LRRC36: variants seen among roughly 807,000 people sequenced by gnomAD.
The protein encoded by LRRC36 is leucine-rich repeat-containing protein 36.
Under a neutral mutation model 81.1 loss-of-function variants are expected in LRRC36, and 62 were observed. The observed-to-expected ratio is 0.76, with a 90% CI of 0.62 to 0.94. LRRC36 has a LOEUF of 0.94. LRRC36 is among the 40% of genes least tolerant of loss of function. The pLI, the probability that LRRC36 is intolerant of heterozygous loss-of-function variation, is 0.00. For missense variants in LRRC36, 761 were observed against 881.7 expected, an observed-to-expected ratio of 0.86 and a Z score of 1.73; for synonymous variants, 334 against 348.6, an observed-to-expected ratio of 0.96 and a Z score of 0.47.
chr16:67,384,790 C>G, intron 13 of LRRC36, 80 bp from the exon 14 acceptor site: 1 of 990,922 alleles, frequency 1.0e-6, no homozygotes, highest in Non-Finnish European at 1.6e-6. Context: ...TCACATTTGC[C>G]TTTGGGAGAC....
In LRRC36 at chr16:67,376,787, G is replaced by T; in HGVS notation, c.1721G>T (p.Cys574Phe). 5.6e-6 allele frequency: 9 copies of T among 1,613,998 alleles called. No homozygotes were observed. The highest frequency in any genetic ancestry group is 7.6e-6 in the Non-Finnish European group (9 of 1,179,882). ...CCGGCTCCTTCTCAGCCGAGGTGTT[G>T]CTCACATCCTGAAGACACGATGAAA... ...VVPAPSQPRC[C>F]SHPEDTMKAF... Residue 574 changes from cysteine to phenylalanine, a missense_variant, in exon 11 of 14, where the codon TGC becomes TTC. Around this residue, in one of 3 missense-constraint regions of LRRC36, gnomAD observed 359 missense variants for 388.4 expected, o/e 0.92. Coordinates refer to ENST00000329956, the MANE Select transcript of LRRC36 (RefSeq NM_018296.6).
intron 5 of LRRC36, 34 bp downstream of exon 5, chr16:67,350,324 A>T: frequency 6.6e-7 from 1 of 1,516,018 alleles, no homozygotes; most frequent in Middle Eastern, 1.7e-4. Flanking sequence ...AAAATGATTA[A>T]AACATCAGTT....
intron 1 of LRRC36, among the ~76,000 whole-genome samples, chr16:67,332,563 T>A (rs1055630956): frequency 1.1e-4 from 17 of 151,842 alleles, no homozygotes; most frequent in Non-Finnish European, 1.6e-4. Flanking sequence ...CAAAAAAAAA[T>A]AATAAATAAA....
At position 67,375,419 on chromosome 16, in the gene LRRC36, G is replaced by GA. The variant is rs1319580179; in HGVS notation, c.1660+9dup. The GA allele has an allele frequency of 3.2e-6, 5 of 1,571,478 alleles. No homozygotes were observed. The highest frequency in any genetic ancestry group is 4.3e-6 in the Non-Finnish European group (5 of 1,166,714). On this transcript the variant is annotated splice_region_variant and intron_variant, in intron 10 of 13. Coordinates refer to ENST00000329956, the MANE Select transcript of LRRC36 (RefSeq NM_018296.6). ...CTCAACAAGAAGTTTCTCGGTGAGT[G>GA]AATGCATTCTCTGTCCTTGGACAGG...
intron 1 of LRRC36, among the ~76,000 whole-genome samples, chr16:67,335,730 T>C (rs1597425373): frequency 1.3e-5 from 2 of 151,840 alleles, no homozygotes; most frequent in Non-Finnish European, 1.5e-5. Flanking sequence ...AGACAACCAC[T>C]GATCTTTTTT....
Position 67,371,239 on chromosome 16 carries a change from C to G in LRRC36, c.1491C>G (p.Ser497Arg), listed in dbSNP as rs755904353. The G allele has an allele frequency of 6.2e-7, 1 of 1,613,978 alleles. No individual in the cohort carries two copies. Among genetic ancestry groups the G allele is most frequent in the African/African-American group, 1.3e-5 (1 of 74,904 alleles). ...LKHGFQDATG[S>R]EPLSSDLGSL... ...ATGGTTTCCAAGATGCTACAGGCAGCGAGGCAAGTGTTGGCTTGTTTGTGT... is the reference window on the plus strand; with the variant it reads ...ATGGTTTCCAAGATGCTACAGGCAGGGAGGCAAGTGTTGGCTTGTTTGTGT... The change falls in exon 9 of 14, where the codon AGC becomes AGG. Residue 497 changes from serine to arginine, a missense_variant. Coordinates refer to ENST00000329956, the MANE Select transcript of LRRC36 (RefSeq NM_018296.6).
At chr16:67,370,133 G>A (rs1318088780) in intron 8 of LRRC36, among the ~76,000 whole-genome samples, 3 of 152,148 alleles carry the variant, frequency 2.0e-5, no homozygotes, top group African/African-American at 4.8e-5. Context: ...TTCATCTATT[G>A]TAATAAGAAG....
rs1322817822 is a variant in LRRC36, at chr16:67,346,420, A to G, written c.363A>G (p.Val121=). The change falls in exon 3 of 14, where the codon GTA becomes GTG. Residue 121 remains valine (V), a synonymous_variant. Coordinates refer to ENST00000329956, the MANE Select transcript of LRRC36 (RefSeq NM_018296.6). ...RKDTDYRLFA[V]YTLQTLEKLD... is the part of the protein sequence containing the mutation. The stretch of plus-strand genomic sequence containing the variant: ...ATACAGATTATAGGCTCTTTGCTGT[A>G]TATACACTACAAACTCTGGAGAAAT... 2 of 1,603,924 alleles carry G rather than the reference A, an allele frequency of 1.2e-6. No individual in the cohort carries two copies. Among genetic ancestry groups the G allele is most frequent in the South Asian group, 1.1e-5 (1 of 88,866 alleles).
At chr16:67,347,744 G>C (rs1373596091) in intron 4 of LRRC36, among the ~76,000 whole-genome samples, 153 bp downstream of exon 4, 2 of 152,220 alleles carry the variant, frequency 1.3e-5, no homozygotes. Flanking sequence ...TGCAAACTGA[G>C]ATTTATCTGG....
At chr16:67,328,239 G>A (rs989193289) in intron 1 of LRRC36, among the ~76,000 whole-genome samples, 12 of 152,076 alleles carry the variant, frequency 7.9e-5, no homozygotes, top group Non-Finnish European at 1.2e-4. Flanking sequence ...AGGGCCAGGC[G>A]CGGTGGCTCA....
At chr16:67,368,108 GTTAC>G (rs2039483677) in intron 8 of LRRC36, among the ~76,000 whole-genome samples, 1 of 152,150 alleles carries the variant, frequency 6.6e-6, no homozygotes, top group African/African-American at 2.4e-5. Flanking sequence ...TCACTCTTCT[GTTAC>G]TTATTTATTC....
chr16:67,346,168 C>A, intron 2 of LRRC36, 88 bp from the exon 3 acceptor site: 1 of 877,926 alleles, frequency 1.1e-6, no homozygotes, highest in Non-Finnish European at 1.7e-6. Context: ...TGTTTAAGGA[C>A]GGAAAGTAAC....
At chr16:67,367,505 T>C (rs757108713) in intron 8 of LRRC36, 48 bp downstream of exon 8, 2 of 1,495,428 alleles carry the variant, frequency 1.3e-6, no homozygotes, top group Non-Finnish European at 9.0e-7. Flanking sequence ...GGCATGAAGA[T>C]AGAAGATATA....
chr16:67,366,325 T>C (rs1169976018), intron 7 of LRRC36, among the ~76,000 whole-genome samples: 1 of 152,088 alleles, frequency 6.6e-6, no homozygotes, highest in Non-Finnish European at 1.5e-5. Context: ...TTAAAAAAAT[T>C]TTTTTCGGAC....
chr16:67,381,449 G>A (rs529865142), intron 12 of LRRC36, among the ~76,000 whole-genome samples: 7 of 152,188 alleles, frequency 4.6e-5, no homozygotes, highest in African/African-American at 1.4e-4. Flanking sequence ...ACTACGTAGG[G>A]AGTGAAGGAT....
rs1011760958 is a variant in LRRC36, at chr16:67,347,568, T to C, written c.465T>C (p.Asn155=). 3.7e-6 allele frequency: 6 copies of C among 1,612,488 alleles called. No homozygotes were observed. The highest frequency in any genetic ancestry group is 5.1e-6 in the Non-Finnish European group (6 of 1,178,822). ...TTAGTCAGTTGGGCAACAGTGAAAATTTTCTTTTAGAGGTGGAAAAAAGGT... is the reference window on the plus strand; with the variant it reads ...TTAGTCAGTTGGGCAACAGTGAAAACTTTCTTTTAGAGGTGGAAAAAAGGT... ...LHFSQLGNSE[N]FLLEVEKSSR... The change falls in exon 4 of 14, where the codon AAT becomes AAC. Residue 155 remains asparagine, a synonymous_variant. Transcript: ENST00000329956.
intron 2 of LRRC36, 118 bp from the exon 3 acceptor site, chr16:67,346,138 T>C (rs2038335395): frequency 1.6e-6 from 1 of 644,440 alleles, no homozygotes; most frequent in African/African-American, 1.8e-5. Context: ...CCTGCCTTTC[T>C]CACGGGGACT....
chr16:67,379,734 G>T (rs965052534), intron 12 of LRRC36, among the ~76,000 whole-genome samples: 2 of 151,918 alleles, frequency 1.3e-5, no homozygotes, highest in Non-Finnish European at 2.9e-5. Context: ...ACTGTGTCCT[G>T]GTTTTAAAAA....
chr16:67,355,340 C>T (rs909355007), intron 5 of LRRC36, among the ~76,000 whole-genome samples: 2 of 146,304 alleles, frequency 1.4e-5, no homozygotes, highest in African/African-American at 2.5e-5. Context: ...CCAAATTGTT[C>T]CAATATAATC....
Sources: gnomAD v4.1 joint callset for allele counts (sites outside exome capture counted in the v4.1 genomes callset) on GRCh38, gnomAD v4.1.1 for gene constraint, gnomAD v4.1.1 regional missense constraint, MANE v1.5 for transcripts, NCBI Gene and HGNC (gene_info 2026-07-23, HGNC 2026-07-21) for gene names.